Variants in FBXL2 observed in about 807,000 individuals in gnomAD.
FBXL2 encodes F-box/LRR-repeat protein 2.
A neutral mutation model predicts 69.2 loss-of-function variants in FBXL2; 38 were observed. That is an observed-to-expected ratio of 0.55 (90% confidence interval 0.42 to 0.72). FBXL2 has a LOEUF of 0.72. FBXL2 is among the 30% of genes least tolerant of loss of function. The probability of loss-of-function intolerance (pLI) is 0.00; values close to 1 mark genes in which losing one functional copy is unlikely to be tolerated. For synonymous variants in FBXL2, 192 were observed against 201.3 expected, an observed-to-expected ratio of 0.95 and a Z score of 0.39; for missense variants, 354 against 520.3, an observed-to-expected ratio of 0.68 and a Z score of 3.11.
At chr3:33,277,728 G>GC (rs1215191015) in intron 1 of FBXL2, among the ~76,000 whole-genome samples, 3 of 152,050 alleles carry the variant, frequency 2.0e-5, no homozygotes, top group Non-Finnish European at 4.4e-5. Flanking sequence ...GGGGGCGACC[G>GC]CGATGCAGCG....
the FBXL2 span, chr3:33,408,816 T>C: frequency 1.3e-5 from 20 of 1,594,566 alleles, no homozygotes; most frequent in Admixed American, 3.3e-5. Context: ...ACACCAAAGA[T>C]TGGGATCAAT....
At chr3:33,326,643 T>C (rs545123842) in intron 2 of FBXL2, among the ~76,000 whole-genome samples, 1 of 152,358 alleles carries the variant, frequency 6.6e-6, no homozygotes, top group South Asian at 2.1e-4. Context: ...ATCTTTGATG[T>C]TCTGGTAAAA....
At chr3:33,355,480 A>G (rs1439641914) in intron 2 of FBXL2, among the ~76,000 whole-genome samples, 1 of 152,238 alleles carries the variant, frequency 6.6e-6, no homozygotes, top group Non-Finnish European at 1.5e-5. Context: ...AGAAATTGAT[A>G]TGCTGATTCT....
chr3:33,330,283 A>G (rs1383146887), intron 2 of FBXL2, among the ~76,000 whole-genome samples: 1 of 98,030 alleles, frequency 1.0e-5, no homozygotes, highest in South Asian at 2.6e-4. Context: ...GACATTGTCC[A>G]AAAAAAAAAA....
chr3:33,380,772 T>C (rs935116834), intron 13 of FBXL2, among the ~76,000 whole-genome samples: 2 of 152,130 alleles, frequency 1.3e-5, no homozygotes, highest in African/African-American at 2.4e-5. Flanking sequence ...CACCTGCTGA[T>C]GGCAATTAAA....
At chr3:33,422,071 A>G in the FBXL2 span, among the ~76,000 whole-genome samples, 1 of 152,192 alleles carries the variant, frequency 6.6e-6, no homozygotes. Flanking sequence ...AAAATTAAAA[A>G]GAAAAAGAAA....
the FBXL2 span, chr3:33,409,252 G>T: frequency 6.2e-7 from 1 of 1,613,958 alleles, no homozygotes; most frequent in African/African-American, 1.3e-5. Context: ...GAGGATTGTG[G>T]TATCATAGGA....
intron 2 of FBXL2, among the ~76,000 whole-genome samples, chr3:33,311,083 T>C (rs2037152668): frequency 6.6e-6 from 1 of 152,226 alleles, no homozygotes; most frequent in Non-Finnish European, 1.5e-5. Flanking sequence ...AGCCAAATTC[T>C]ATATTTTGAC....
chr3:33,384,118 C>T lies in FBXL2; in HGVS notation c.1081C>T (p.His361Tyr). ...CCTCATCACTGATGTGGCCCTGGAA[C>T]ACCTAGAGAACTGCCGAGGCCTGGA... ...CLLITDVALE[H>Y]LENCRGLERL... is the part of the protein sequence containing the mutation. Residue 361 changes from histidine to tyrosine, a missense_variant, in exon 14 of 15, where the codon CAC (histidine) becomes TAC (tyrosine). Physicochemically the swap from His to Tyr is moderately conservative, Grantham distance 83. Coordinates refer to ENST00000484457, the MANE Select transcript of FBXL2 (RefSeq NM_012157.5). The T allele has an allele frequency of 6.2e-7, 1 of 1,614,088 alleles. No homozygotes were observed. The highest frequency in any genetic ancestry group is 8.5e-7 in the Non-Finnish European group (1 of 1,180,024).
intron 2 of FBXL2, among the ~76,000 whole-genome samples, chr3:33,306,520 A>T (rs180924031): frequency 6.6e-6 from 1 of 152,098 alleles, no homozygotes; most frequent in African/African-American, 2.4e-5. Flanking sequence ...TTGCCCATCT[A>T]AAAAAAATTG....
At chr3:33,303,249 T>C (rs1028095396) in intron 2 of FBXL2, 23 of 449,952 alleles carry the variant, frequency 5.1e-5, no homozygotes, top group Admixed American at 9.5e-5. Flanking sequence ...TTTTTTTAGG[T>C]TGGTTTGCTC....
At chr3:33,421,506 G>A in the FBXL2 span, among the ~76,000 whole-genome samples, 5 of 152,222 alleles carry the variant, frequency 3.3e-5, no homozygotes, top group Admixed American at 2.6e-4. Flanking sequence ...TTAACCTCAC[G>A]TGATCTGCCC....
chr3:33,415,763 AAC>A, the FBXL2 span, among the ~76,000 whole-genome samples: 2 of 151,994 alleles, frequency 1.3e-5, no homozygotes, highest in Non-Finnish European at 2.9e-5. Flanking sequence ...CAAAAAAAAA[AAC>A]ACAGAACAAA....
chr3:33,379,160 C>T (rs1473682009), intron 13 of FBXL2, among the ~76,000 whole-genome samples: 1 of 152,006 alleles, frequency 6.6e-6, no homozygotes, highest in Non-Finnish European at 1.5e-5. Context: ...CGCCACCATG[C>T]CTGGCTAATT....
At chr3:33,309,663 G>T (rs1256592196) in intron 2 of FBXL2, among the ~76,000 whole-genome samples, 1 of 152,086 alleles carries the variant, frequency 6.6e-6, no homozygotes, top group Non-Finnish European at 1.5e-5. Flanking sequence ...TTATTGTCTA[G>T]TTATTTCATA....
intron 12 of FBXL2, chr3:33,393,506 G>A (rs763666893): frequency 1.3e-6 from 2 of 1,551,958 alleles, no homozygotes; most frequent in South Asian, 1.2e-5. Context: ...TCTTTGATCT[G>A]TTTTCTGCCT....
At chr3:33,414,307 A>G in the FBXL2 span, 1 of 152,178 alleles carries the variant, frequency 6.6e-6, no homozygotes, top group Admixed American at 6.5e-5. Context: ...GAGAGAGGAA[A>G]GGAACTTCTT....
chr3:33,368,894 C>T (rs1433487211), intron 5 of FBXL2, among the ~76,000 whole-genome samples: 2 of 151,528 alleles, frequency 1.3e-5, no homozygotes, highest in Admixed American at 1.3e-4. Context: ...CTGGGTGTTG[C>T]TTTTTATCCA....
chr3:33,399,338 TA>T (rs1228749587), intron 12 of FBXL2, among the ~76,000 whole-genome samples: 5 of 152,236 alleles, frequency 3.3e-5, no homozygotes, highest in Non-Finnish European at 7.3e-5. Flanking sequence ...CCTATAGCAC[TA>T]CCTGGAGAAG....
Sources: allele counts gnomAD v4.1 joint callset (sites outside exome capture counted in the v4.1 genomes callset), GRCh38; gene constraint gnomAD v4.1.1; transcripts MANE v1.5; gene names NCBI Gene and HGNC (gene_info 2026-07-23, HGNC 2026-07-21).